Variants in USP49 observed in about 807,000 individuals in gnomAD.
The protein encoded by USP49 is ubiquitin carboxyl-terminal hydrolase 49.
A neutral mutation model predicts 58.6 loss-of-function variants in USP49; 24 were observed. The ratio of observed to expected loss-of-function variants is 0.41; its 90% CI spans 0.30 to 0.58. The LOEUF (loss-of-function observed/expected upper bound fraction) is 0.58. USP49 is among the 20% of genes least tolerant of loss of function. The pLI is 0.30. For synonymous variants in USP49, 408 were observed against 365.1 expected, an observed-to-expected ratio of 1.12 and a Z score of -1.34; for missense variants, 703 against 866.1, an observed-to-expected ratio of 0.81 and a Z score of 2.36.
intron 3 of USP49, among the ~76,000 whole-genome samples, chr6:41,807,388 A>G (rs757961118): frequency 6.6e-6 from 1 of 152,356 alleles, no homozygotes; most frequent in East Asian, 1.9e-4. Flanking sequence ...TAAGAGAAAG[A>G]AAGTCCTCAC....
chr6:41,853,200 T>TG (rs571284158), intron 3 of USP49, among the ~76,000 whole-genome samples: 250 of 151,392 alleles, frequency 1.7e-3, no homozygotes, highest in South Asian at 4.0e-3. Context: ...AAAAAAGAGC[T>TG]GGGGGGGAGA....
intron 3 of USP49, among the ~76,000 whole-genome samples, chr6:41,856,158 G>C (rs1774127328): frequency 6.6e-6 from 1 of 152,256 alleles, no homozygotes; most frequent in East Asian, 1.9e-4. Flanking sequence ...TGGATCACAA[G>C]GTCAGGAGAT....
At position 41,796,529 on chromosome 6, in the gene USP49, C is replaced by T; in HGVS notation, c.*4G>A. The T allele has an allele frequency of 1.4e-6, 1 of 717,004 alleles. No individual in the cohort carries two copies. The highest frequency in any genetic ancestry group is 2.6e-6 in the Non-Finnish European group (1 of 384,916). The allele number at this position is 717,004 out of a possible 1,614,324, so 44.4% of individuals were successfully genotyped here. Reference sequence around the variant, plus strand: ...AAAGCCAGTCTTTGATACATGCCTCCCATTCAGGAAAATGTCTGTGGTCTG... The same window carrying T: ...AAAGCCAGTCTTTGATACATGCCTCTCATTCAGGAAAATGTCTGTGGTCTG... On this transcript the variant is annotated 3_prime_UTR_variant, in exon 8 of 8. Transcript: ENST00000682992.
Position 41,806,860 on chromosome 6 carries a change from A to G in USP49, c.124T>C (p.Ser42Pro). 1 of 1,613,898 alleles carries G rather than the reference A, an allele frequency of 6.2e-7. No homozygotes were observed. The highest frequency in any genetic ancestry group is 1.1e-5 in the South Asian group (1 of 91,064). The change falls in exon 4 of 8, where the codon TCC (serine) becomes CCC (proline). Residue 42 changes from serine to proline, a missense_variant. Coordinates refer to ENST00000682992, the MANE Select transcript of USP49 (RefSeq NM_001286554.2). The surrounding 1 kb of genome is among the most constrained non-coding windows in gnomAD (Gnocchi z 5.9). ...ATATAGCGGCCGCAGGCCACGTGGGAGCACTTGAGGCAGGCCCACACGGAC... is the reference window on the plus strand; with the variant it reads ...ATATAGCGGCCGCAGGCCACGTGGGGGCACTTGAGGCAGGCCCACACGGAC... Reference protein sequence around the residue: ...TESVWACLKCSHVACGRYIED... With the variant: ...TESVWACLKCPHVACGRYIED...
Position 41,796,742 on chromosome 6 carries a change from A to G in USP49, c.1877-19T>C. The G allele has an allele frequency of 1.4e-6, 1 of 714,316 alleles. No homozygotes were observed. Among genetic ancestry groups the G allele is most frequent in the South Asian group, 1.5e-5 (1 of 67,372 alleles). 44.2% of individuals were successfully genotyped at this position (714,316 alleles called of 1,614,324 possible). A position where few individuals can be genotyped will look rare whatever the true frequency, so the allele number is the denominator to read the frequency against. ...CAAAAACCTAGGAAACCAAAGGAGA[A>G]AAAGAGAGAAAATGACTACCCAATT... On this transcript the variant is annotated intron_variant, in intron 7 of 7. Coordinates refer to ENST00000682992, the MANE Select transcript of USP49 (RefSeq NM_001286554.2).
Position 41,805,786 on chromosome 6 carries a change from C to T in USP49, c.1198G>A (p.Ala400Thr). ...AGCAGCTCGCAGAGAAATTCCTGCG[C>T]GTCCTGTTGGTCGTAGCCGCGGAAG... ...PAFRGYDQQD[A>T]QEFLCELLHK... Residue 400 changes from alanine (A) to threonine (T), a missense_variant, in exon 4 of 8, where the codon GCG becomes ACG. Ala to Thr is a moderately conservative substitution (Grantham distance 58). Around this residue, in one of 6 missense-constraint regions of USP49, gnomAD observed 66 missense variants for 116.0 expected, o/e 0.57. Coordinates refer to ENST00000682992, the MANE Select transcript of USP49 (RefSeq NM_001286554.2). 1.2e-6 allele frequency: 2 copies of T among 1,614,114 alleles called. No homozygotes were observed. Among genetic ancestry groups the T allele is most frequent in the Non-Finnish European group, 1.7e-6 (2 of 1,180,030 alleles).
At chr6:41,849,810 G>C (rs1426453760) in intron 3 of USP49, among the ~76,000 whole-genome samples, 8 of 152,048 alleles carry the variant, frequency 5.3e-5, no homozygotes, top group African/African-American at 1.9e-4. Flanking sequence ...GTTTTACCAT[G>C]TTGGCCAATA....
chr6:41,805,570 C>CA (rs1773098057), intron 4 of USP49, 58 bp downstream of exon 4: 1 of 1,540,074 alleles, frequency 6.5e-7, no homozygotes. Context: ...GGAAGGCACT[C>CA]ACAGGAAGCC....
At chr6:41,869,297 C>T (rs1468947496) in intron 3 of USP49, among the ~76,000 whole-genome samples, 2 of 152,060 alleles carry the variant, frequency 1.3e-5, no homozygotes, top group Non-Finnish European at 2.9e-5. Context: ...ACTCAGGAGG[C>T]TCAGACAGGT....
intron 2 of USP49, among the ~76,000 whole-genome samples, chr6:41,878,120 G>A (rs535798560): frequency 1.3e-5 from 2 of 152,258 alleles, no homozygotes; most frequent in African/African-American, 4.8e-5. Context: ...ATGTGTGTAA[G>A]TGCATTATAA....
chr6:41,810,172 TA>T (rs1373713565), intron 3 of USP49, among the ~76,000 whole-genome samples: 1 of 144,242 alleles, frequency 6.9e-6, no homozygotes, highest in African/African-American at 2.6e-5. Context: ...TAAATAAAAA[TA>T]AAAAAATAAA....
chr6:41,848,897 C>G (rs1773971406), intron 3 of USP49, among the ~76,000 whole-genome samples: 1 of 151,840 alleles, frequency 6.6e-6, no homozygotes, highest in African/African-American at 2.4e-5. Flanking sequence ...GGGTTCTTCC[C>G]TATGTTGCCC....
At chr6:41,890,273 G>A (rs955640714) in intron 2 of USP49, among the ~76,000 whole-genome samples, 2 of 151,864 alleles carry the variant, frequency 1.3e-5, no homozygotes, top group East Asian at 3.9e-4. Context: ...CAGCTACTAG[G>A]GAGGCTGAGG....
intron 3 of USP49, chr6:41,832,776 A>G (rs1291129821): frequency 6.6e-6 from 1 of 152,244 alleles, no homozygotes; most frequent in Non-Finnish European, 1.5e-5. Context: ...AGATTAGGCA[A>G]CATTACAAAA....
intron 2 of USP49, among the ~76,000 whole-genome samples, chr6:41,872,120 G>A (rs140069482): frequency 2.6e-5 from 4 of 152,278 alleles, no homozygotes; most frequent in East Asian, 3.9e-4. Flanking sequence ...CTTTAAAAGC[G>A]GTATATATTC....
intron 3 of USP49, among the ~76,000 whole-genome samples, chr6:41,828,187 G>A (rs1453892922): frequency 6.6e-6 from 1 of 152,032 alleles, no homozygotes; most frequent in Non-Finnish European, 1.5e-5. Flanking sequence ...GCTCACACCT[G>A]TAATCCCAGC....
chr6:41,797,845 G>A, intron 7 of USP49: 1 of 976,218 alleles, frequency 1.0e-6, no homozygotes, highest in African/African-American at 1.8e-5. Context: ...GACTGAATAA[G>A]TACTATGTGG....
intron 3 of USP49, among the ~76,000 whole-genome samples, chr6:41,833,923 C>T (rs774862291): frequency 6.6e-6 from 1 of 152,224 alleles, no homozygotes; most frequent in Non-Finnish European, 1.5e-5. Flanking sequence ...TGGCAAAACA[C>T]TTCCAATGTT....
chr6:41,851,995 T>A (rs933941279), intron 3 of USP49, among the ~76,000 whole-genome samples: 7 of 148,014 alleles, frequency 4.7e-5, no homozygotes, highest in Non-Finnish European at 7.4e-5. Flanking sequence ...AGAAGTAAAT[T>A]TATCTGTTCT....
Sources: gnomAD v4.1 joint callset for allele counts (sites outside exome capture counted in the v4.1 genomes callset) on GRCh38, gnomAD v4.1.1 for gene constraint, gnomAD v4.1.1 regional missense constraint, Gnocchi (gnomAD v3.1) non-coding constraint, MANE v1.5 for transcripts, NCBI Gene and HGNC (gene_info 2026-07-23, HGNC 2026-07-21) for gene names.